Variants in CDH13 observed in about 807,000 individuals in gnomAD.
CDH13 encodes the protein cadherin-13.
CDH13 carries 24 observed loss-of-function variants against 63.8 expected under a neutral mutation model. That is an observed-to-expected ratio of 0.38 (90% CI 0.27 to 0.53). The LOEUF (loss-of-function observed/expected upper bound fraction) is 0.53. Among genes scored for constraint, CDH13 ranks in the 20% least tolerant of loss-of-function variants. The pLI, the probability that CDH13 is intolerant of heterozygous loss-of-function variation, is 0.85. For missense variants in CDH13, 1,049 were observed against 903.1 expected, an observed-to-expected ratio of 1.16 and a Z score of -2.07; for synonymous variants, 503 against 355.3, an observed-to-expected ratio of 1.42 and a Z score of -4.67.
At chr16:83,276,249 C>G (rs2088984466) in intron 5 of CDH13, among the ~76,000 whole-genome samples, 2 of 152,220 alleles carry the variant, frequency 1.3e-5, no homozygotes, top group South Asian at 2.1e-4. Flanking sequence ...CTGTTTTTCC[C>G]TTTGGTCCTA....
intron 1 of CDH13, among the ~76,000 whole-genome samples, chr16:82,779,224 T>C (rs1458089422): frequency 6.6e-6 from 1 of 152,206 alleles, no homozygotes; most frequent in East Asian, 1.9e-4. Flanking sequence ...TTTTCCCCAT[T>C]TTCTAGATGA....
chr16:82,949,463 C>A (rs1905076764), intron 2 of CDH13, among the ~76,000 whole-genome samples: 1 of 152,132 alleles, frequency 6.6e-6, no homozygotes, highest in Non-Finnish European at 1.5e-5. Context: ...TTTGCAGATT[C>A]CAGGGGTTAG....
At chr16:83,398,029 C>G (rs2091913372) in intron 6 of CDH13, 1 of 129,428 alleles carries the variant, frequency 7.7e-6, no homozygotes, top group Non-Finnish European at 1.7e-5. Flanking sequence ...ATACCCATGT[C>G]TTCAGCCAGC....
intron 7 of CDH13, among the ~76,000 whole-genome samples, chr16:83,557,736 G>T (rs115019496): frequency 0.025 from 3,781 of 152,096 alleles, 129 homozygotes; most frequent in African/African-American, 0.066. Flanking sequence ...CTGTTACTTG[G>T]TTGGTACCTT....
At chr16:82,936,499 T>A (rs1597248581) in intron 2 of CDH13, among the ~76,000 whole-genome samples, 2 of 152,210 alleles carry the variant, frequency 1.3e-5, no homozygotes, top group South Asian at 4.1e-4. Context: ...AAAAATTAGC[T>A]TCCACAAAAC....
chr16:83,548,596 C>A (rs1265748193), intron 7 of CDH13, among the ~76,000 whole-genome samples: 1 of 152,100 alleles, frequency 6.6e-6, no homozygotes, highest in Non-Finnish European at 1.5e-5. Context: ...CCCCGGATAG[C>A]CAGTTCTTTT....
intron 6 of CDH13, among the ~76,000 whole-genome samples, chr16:83,483,965 T>G (rs1011191597): frequency 6.6e-6 from 1 of 152,108 alleles, no homozygotes; most frequent in African/African-American, 2.4e-5. Context: ...AGAATGTTCT[T>G]TTCTGAAGCT....
chr16:82,935,251 A>G (rs2042631404), intron 2 of CDH13, among the ~76,000 whole-genome samples: 1 of 152,170 alleles, frequency 6.6e-6, no homozygotes, highest in South Asian at 2.1e-4. Flanking sequence ...CTCCTTATAA[A>G]GCCATTAGAT....
chr16:83,436,980 C>G (rs1006654521), intron 6 of CDH13, among the ~76,000 whole-genome samples: 1 of 152,140 alleles, frequency 6.6e-6, no homozygotes, highest in Non-Finnish European at 1.5e-5. Flanking sequence ...TGGTGAAACT[C>G]TTTCTTGATT....
intron 3 of CDH13, among the ~76,000 whole-genome samples, chr16:83,064,938 T>C (rs1376646943): frequency 6.6e-6 from 1 of 152,160 alleles, no homozygotes; most frequent in Non-Finnish European, 1.5e-5. Context: ...TGCTGTGCAA[T>C]AGTCTCAAAA....
intron 5 of CDH13, among the ~76,000 whole-genome samples, chr16:83,248,436 C>T (rs1905180189): frequency 6.6e-6 from 1 of 152,154 alleles, no homozygotes; most frequent in Non-Finnish European, 1.5e-5. Flanking sequence ...GCAGGAAGCC[C>T]TGTCACATGC....
intron 5 of CDH13, among the ~76,000 whole-genome samples, chr16:83,229,886 G>C (rs559680690): frequency 2.6e-5 from 4 of 152,200 alleles, no homozygotes; most frequent in South Asian, 4.1e-4. Context: ...AGCTGGACTA[G>C]AGTAATAGCA....
At chr16:82,847,342 A>C (rs557029877) in intron 1 of CDH13, among the ~76,000 whole-genome samples, 5 of 152,306 alleles carry the variant, frequency 3.3e-5, no homozygotes, top group Non-Finnish European at 5.9e-5. Flanking sequence ...GCAGCGATGC[A>C]TTCTTTTCTG....
intron 5 of CDH13, among the ~76,000 whole-genome samples, chr16:83,246,686 C>G (rs758026646): frequency 1.3e-5 from 2 of 152,118 alleles, no homozygotes; most frequent in Non-Finnish European, 2.9e-5. Context: ...TGAAATTAAC[C>G]TCTGCCTTTG....
intron 5 of CDH13, among the ~76,000 whole-genome samples, chr16:83,324,595 T>A (rs1426855218): frequency 6.6e-6 from 1 of 152,232 alleles, no homozygotes; most frequent in Non-Finnish European, 1.5e-5. Flanking sequence ...TCCCATTTTA[T>A]AGCTGAGTAA....
At chr16:82,780,197 C>T (rs945652471) in intron 1 of CDH13, among the ~76,000 whole-genome samples, 2 of 152,072 alleles carry the variant, frequency 1.3e-5, no homozygotes, top group East Asian at 1.9e-4. Context: ...AAGAAAAAAA[C>T]CCCACATATG....
intron 4 of CDH13, among the ~76,000 whole-genome samples, chr16:83,193,700 T>A (rs2038793381): frequency 6.6e-6 from 1 of 152,206 alleles, no homozygotes; most frequent in Non-Finnish European, 1.5e-5. Flanking sequence ...CTTAAATCAC[T>A]GGCTCCTTTT....
chr16:83,360,379 G>A (rs2091138952), intron 6 of CDH13, among the ~76,000 whole-genome samples: 1 of 152,096 alleles, frequency 6.6e-6, no homozygotes, highest in Admixed American at 6.5e-5. Flanking sequence ...ATGGGAGGGG[G>A]TTCCTCAAGA....
intron 7 of CDH13, among the ~76,000 whole-genome samples, chr16:83,566,121 G>T (rs138154036): frequency 6.6e-6 from 1 of 152,148 alleles, no homozygotes; most frequent in Non-Finnish European, 1.5e-5. Context: ...TGAATGGTAT[G>T]TTGGGCTCTA....
Sources: gnomAD v4.1 joint callset for allele counts (sites outside exome capture counted in the v4.1 genomes callset) on GRCh38, gnomAD v4.1.1 for gene constraint, MANE v1.5 for transcripts, NCBI Gene and HGNC (gene_info 2026-07-23, HGNC 2026-07-21) for gene names.